Variants in TMEM170B observed in about 807,000 individuals in gnomAD.
The protein encoded by TMEM170B is transmembrane protein 170B.
In TMEM170B, 6 loss-of-function variants were observed where a neutral mutation model predicts 13.0. That is an observed-to-expected ratio of 0.46 (90% CI 0.25 to 0.91). TMEM170B has a LOEUF of 0.91. TMEM170B is among the 40% of genes least tolerant of loss of function. The pLI is 0.17. For synonymous variants in TMEM170B, 61 were observed against 64.9 expected, an observed-to-expected ratio of 0.94 and a Z score of 0.29; for missense variants, 138 against 165.2, an observed-to-expected ratio of 0.84 and a Z score of 0.90.
Position 11,565,854 on chromosome 6 carries a change from T to C in TMEM170B, c.268+18T>C, listed in dbSNP as rs764522375. The C allele has an allele frequency of 6.2e-7, 1 of 1,613,658 alleles. No individual in the cohort carries two copies. Among genetic ancestry groups the C allele is most frequent in the Non-Finnish European group, 8.5e-7 (1 of 1,179,590 alleles). On this transcript the variant is annotated intron_variant, in intron 2 of 2. Transcript: ENST00000379426. ...GATTACCAGTAAGTTGATTTTCTTT[T>C]GTCTGAGGATGTAAGTTTGTATACA...
intron 1 of TMEM170B, among the ~76,000 whole-genome samples, chr6:11,551,404 G>T (rs1011514838): frequency 6.6e-6 from 1 of 152,204 alleles, no homozygotes; most frequent in African/African-American, 2.4e-5. Context: ...AGGCCTGCTG[G>T]ATGCTGGCTA....
intron 1 of TMEM170B, among the ~76,000 whole-genome samples, chr6:11,562,282 T>G (rs1759676448): frequency 6.6e-6 from 1 of 151,936 alleles, no homozygotes; most frequent in Non-Finnish European, 1.5e-5. Flanking sequence ...TTTAATGTAT[T>G]TATTATAAAT....
chr6:11,566,541 C>G (rs1759734930), intron 2 of TMEM170B, among the ~76,000 whole-genome samples: 1 of 152,200 alleles, frequency 6.6e-6, no homozygotes. Context: ...CAGTTCTTAC[C>G]TCCTCAGAAG....
Position 11,579,223 on chromosome 6 carries a change from G to T in TMEM170B, c.*3662G>T, listed in dbSNP as rs1214009660. 1.3e-5 allele frequency: 2 copies of T among 152,172 alleles called. No homozygotes were observed. Among genetic ancestry groups the T allele is most frequent in the African/African-American group, 4.8e-5 (2 of 41,442 alleles). 9.4% of individuals were successfully genotyped at this position (152,172 alleles called of 1,614,324 possible). A position where few individuals can be genotyped will look rare whatever the true frequency, so the allele number is the denominator to read the frequency against. ...TATCATGGCTGTGACATAGTGAAGA[G>T]AATACGAGACTCCAAGCCAGCAACA... On this transcript the variant is annotated 3_prime_UTR_variant, in exon 3 of 3. Coordinates refer to ENST00000379426, the MANE Select transcript of TMEM170B (RefSeq NM_001100829.3).
At chr6:11,567,796 A>G (rs1236577191) in intron 2 of TMEM170B, among the ~76,000 whole-genome samples, 4 of 152,208 alleles carry the variant, frequency 2.6e-5, no homozygotes, top group Non-Finnish European at 5.9e-5. Context: ...CAGATTCAGT[A>G]GGAAAGATAG....
At chr6:11,571,932 A>G (rs1759809630) in intron 2 of TMEM170B, among the ~76,000 whole-genome samples, 1 of 152,186 alleles carries the variant, frequency 6.6e-6, no homozygotes, top group South Asian at 2.1e-4. Flanking sequence ...ATGTGAAGAG[A>G]AACTCAATCA....
At chr6:11,540,650 T>C (rs1759347278) in intron 1 of TMEM170B, among the ~76,000 whole-genome samples, 1 of 152,224 alleles carries the variant, frequency 6.6e-6, no homozygotes, top group African/African-American at 2.4e-5. Flanking sequence ...CCTATGAAAG[T>C]TGATATTTGG....
At chr6:11,549,807 C>G (rs1049011815) in intron 1 of TMEM170B, among the ~76,000 whole-genome samples, 1 of 151,956 alleles carries the variant, frequency 6.6e-6, no homozygotes, top group Non-Finnish European at 1.5e-5. Context: ...TTACTGGAGT[C>G]CAGTTGCTTG....
intron 2 of TMEM170B, among the ~76,000 whole-genome samples, chr6:11,567,867 C>T (rs1759755997): frequency 6.6e-6 from 1 of 152,102 alleles, no homozygotes; most frequent in African/African-American, 2.4e-5. Context: ...CTTTATTCTG[C>T]CGGCCATGGA....
In TMEM170B at chr6:11,581,708, T is replaced by C. The variant is rs1457586486; in HGVS notation, c.*6147T>C. ...TTGCTGAATTAAGCAGAAATCACTT[T>C]TTTTAGAGCCTTGTTTAAAGGAACG... On this transcript the variant is annotated 3_prime_UTR_variant, in exon 3 of 3. Transcript: ENST00000379426. 6.6e-6 allele frequency: 1 copy of C among 152,228 alleles called. No homozygotes were observed. The highest frequency in any genetic ancestry group is 1.5e-5 in the Non-Finnish European group (1 of 68,032). The allele number at this position is 152,228 out of a possible 1,614,324, so 9.4% of individuals were successfully genotyped here. A position where few individuals can be genotyped will look rare whatever the true frequency, so the allele number is the denominator to read the frequency against.
At chr6:11,570,746 A>G (rs1759788423) in intron 2 of TMEM170B, among the ~76,000 whole-genome samples, 1 of 152,290 alleles carries the variant, frequency 6.6e-6, no homozygotes, top group Non-Finnish European at 1.5e-5. Flanking sequence ...GCTTGTTTGC[A>G]GAGGTCAGTG....
At position 11,580,892 on chromosome 6, in the gene TMEM170B, A is replaced by G. The variant is rs1759947799; in HGVS notation, c.*5331A>G. The stretch of plus-strand genomic sequence containing the variant: ...TGTGAGGCTTCACTGACCACCGTGC[A>G]TTTTGAAATTGTATTGCATTTTGTG... On this transcript the variant is annotated 3_prime_UTR_variant, in exon 3 of 3. Coordinates refer to ENST00000379426, the MANE Select transcript of TMEM170B (RefSeq NM_001100829.3). 6.6e-6 allele frequency: 1 copy of G among 152,170 alleles called. No homozygotes were observed. 9.4% of individuals were successfully genotyped at this position (152,170 alleles called of 1,614,324 possible).
At chr6:11,543,638 G>A (rs572830860) in intron 1 of TMEM170B, among the ~76,000 whole-genome samples, 25 of 152,026 alleles carry the variant, frequency 1.6e-4, no homozygotes, top group East Asian at 3.9e-4. Flanking sequence ...GCATTTTTTC[G>A]TCATCATAAA....
At chr6:11,567,498 T>C (rs1759750421) in intron 2 of TMEM170B, among the ~76,000 whole-genome samples, 1 of 152,202 alleles carries the variant, frequency 6.6e-6, no homozygotes, top group East Asian at 1.9e-4. Context: ...ATTGACATCC[T>C]TTGTCTTGAG....
intron 1 of TMEM170B, among the ~76,000 whole-genome samples, chr6:11,542,925 CAGAG>C (rs1759381506): frequency 6.6e-6 from 1 of 152,180 alleles, no homozygotes; most frequent in African/African-American, 2.4e-5. Context: ...AAAGGAAACT[CAGAG>C]AGGTAAATTA....
chr6:11,549,730 A>G (rs1163267766), intron 1 of TMEM170B, among the ~76,000 whole-genome samples: 2 of 152,158 alleles, frequency 1.3e-5, no homozygotes, highest in African/African-American at 2.4e-5. Flanking sequence ...TTGGCTAAGT[A>G]GATTAAGCAT....
chr6:11,542,465 A>G (rs1462295696), intron 1 of TMEM170B, among the ~76,000 whole-genome samples: 1 of 152,190 alleles, frequency 6.6e-6, no homozygotes, highest in Non-Finnish European at 1.5e-5. Context: ...CATTTCATAA[A>G]GGATATGCCG....
At chr6:11,556,993 G>C (rs1346284396) in intron 1 of TMEM170B, among the ~76,000 whole-genome samples, 1 of 152,192 alleles carries the variant, frequency 6.6e-6, no homozygotes, top group Non-Finnish European at 1.5e-5. Flanking sequence ...GTAGAGACCT[G>C]TGGAAAAGCA....
chr6:11,548,313 A>G (rs1759466761), intron 1 of TMEM170B, among the ~76,000 whole-genome samples: 1 of 152,224 alleles, frequency 6.6e-6, no homozygotes, highest in South Asian at 2.1e-4. Flanking sequence ...CAGCCAACAG[A>G]CACAAGAAAA....
Sources: allele counts gnomAD v4.1 joint callset (sites outside exome capture counted in the v4.1 genomes callset), GRCh38; gene constraint gnomAD v4.1.1; transcripts MANE v1.5; gene names NCBI Gene and HGNC (gene_info 2026-07-23, HGNC 2026-07-21).